DACH1: variants seen among roughly 807,000 people sequenced by gnomAD.
The protein encoded by DACH1 is dachshund family transcription factor 1.
DACH1 carries 12 observed loss-of-function variants against 54.2 expected under a neutral mutation model. The ratio of observed to expected loss-of-function variants is 0.22; its 90% confidence interval spans 0.14 to 0.36. DACH1 has a LOEUF of 0.36. DACH1 is among the 10% of genes least tolerant of loss of function. The pLI is 1.00. For synonymous variants in DACH1, 386 were observed against 366.2 expected (o/e 1.05, Z -0.62); for missense variants, 805 against 929.8 (o/e 0.87, Z 1.75).
chr13:71,864,204 C>G (rs1874553624), intron 1 of DACH1, among the ~76,000 whole-genome samples: 1 of 123,578 alleles, frequency 8.1e-6, no homozygotes, highest in Non-Finnish European at 1.6e-5. Context: ...CACACACACA[C>G]ACACACACAC....
chr13:71,470,772 G>A (rs578223542), intron 10 of DACH1, among the ~76,000 whole-genome samples: 1 of 152,234 alleles, frequency 6.6e-6, no homozygotes, highest in Non-Finnish European at 1.5e-5. Flanking sequence ...CATTCCTTCA[G>A]GGAATAGCAG....
intron 3 of DACH1, among the ~76,000 whole-genome samples, chr13:71,580,474 G>T (rs530262951): frequency 6.6e-6 from 1 of 152,196 alleles, no homozygotes; most frequent in East Asian, 1.9e-4. Flanking sequence ...ATGTTTTTAT[G>T]CTCATGTACA....
chr13:71,643,596 A>C (rs1878058758), intron 2 of DACH1, among the ~76,000 whole-genome samples: 2 of 152,352 alleles, frequency 1.3e-5, no homozygotes, highest in South Asian at 4.1e-4. Flanking sequence ...ACTCTACAGA[A>C]GGTCAAAGGT....
intron 3 of DACH1, among the ~76,000 whole-genome samples, chr13:71,614,853 C>CAA (rs397978208): frequency 0.039 from 1,902 of 48,724 alleles, 34 homozygotes; most frequent in Middle Eastern, 0.1. Context: ...AACTCTATCT[C>CAA]AAAAAAAAAA....
At chr13:71,520,783 G>C (rs1881541600) in intron 6 of DACH1, among the ~76,000 whole-genome samples, 1 of 151,744 alleles carries the variant, frequency 6.6e-6, no homozygotes, top group Admixed American at 6.6e-5. Context: ...CCTTGCATTG[G>C]AGAAAGAAGA....
intron 1 of DACH1, among the ~76,000 whole-genome samples, chr13:71,853,677 G>T (rs1472709664): frequency 6.6e-6 from 1 of 152,114 alleles, no homozygotes; most frequent in Non-Finnish European, 1.5e-5. Context: ...ATGTTAATTA[G>T]TACAAAAGAA....
intron 3 of DACH1, among the ~76,000 whole-genome samples, chr13:71,622,402 C>T (rs951137095): frequency 2.6e-5 from 4 of 151,816 alleles, no homozygotes; most frequent in African/African-American, 9.7e-5. Context: ...TATTAGCAAA[C>T]ATTATATTTT....
At chr13:71,791,858 C>T (rs1436139500) in intron 1 of DACH1, among the ~76,000 whole-genome samples, 1 of 152,184 alleles carries the variant, frequency 6.6e-6, no homozygotes, top group Non-Finnish European at 1.5e-5. Flanking sequence ...ATAGTTTGCT[C>T]ATTTCACATA....
intron 1 of DACH1, among the ~76,000 whole-genome samples, chr13:71,850,938 T>C (rs1205596319): frequency 6.6e-6 from 1 of 152,254 alleles, no homozygotes; most frequent in East Asian, 1.9e-4. Flanking sequence ...AAACAAGTAA[T>C]GTCAAATGAC....
chr13:71,473,872 C>T (rs1877293033), intron 10 of DACH1, among the ~76,000 whole-genome samples: 1 of 152,102 alleles, frequency 6.6e-6, no homozygotes, highest in Non-Finnish European at 1.5e-5. Context: ...GCTATTGTCC[C>T]TGATAAAGAG....
chr13:71,732,366 C>T (rs915955717), intron 1 of DACH1, among the ~76,000 whole-genome samples: 12 of 151,994 alleles, frequency 7.9e-5, no homozygotes, highest in African/African-American at 2.9e-4. Flanking sequence ...GGATGAATCT[C>T]CTGAGCTCAG....
At chr13:71,614,106 A>G (rs1242084385) in intron 3 of DACH1, among the ~76,000 whole-genome samples, 3 of 152,160 alleles carry the variant, frequency 2.0e-5, no homozygotes, top group Non-Finnish European at 2.9e-5. Context: ...TTTATAATCC[A>G]TTTTGCCTGG....
chr13:71,465,000 A>C (rs1876436967), intron 10 of DACH1, among the ~76,000 whole-genome samples: 1 of 152,126 alleles, frequency 6.6e-6, no homozygotes, highest in Non-Finnish European at 1.5e-5. Context: ...AGAAATAATT[A>C]GTTCTCCAAA....
chr13:71,674,863 T>C (rs183454342), intron 2 of DACH1, among the ~76,000 whole-genome samples: 5 of 150,556 alleles, frequency 3.3e-5, no homozygotes, highest in Admixed American at 1.3e-4. Context: ...TAAGTAGTTA[T>C]AGGTTAAATG....
At chr13:71,811,652 A>T (rs763856033) in intron 1 of DACH1, among the ~76,000 whole-genome samples, 1 of 152,156 alleles carries the variant, frequency 6.6e-6, no homozygotes, top group Non-Finnish European at 1.5e-5. Flanking sequence ...CAAGCCAGGG[A>T]TATCCCCCTC....
In DACH1 at chr13:71,818,213, A is replaced by C. The variant is rs930719421; in HGVS notation, c.848+47709T>G. ...TCAAGGAACTAGAATGTTTGGCAATAAGAAACAAGAAAATAAAAGAAATAT... is the reference window on the plus strand; with the variant it reads ...TCAAGGAACTAGAATGTTTGGCAATCAGAAACAAGAAAATAAAAGAAATAT... On this transcript the variant is annotated intron_variant, in intron 1 of 10. Coordinates refer to ENST00000613252, the MANE Select transcript of DACH1 (RefSeq NM_080759.6). 2.0e-5 allele frequency among the ~76,000 whole-genome samples: 3 copies of C among 152,216 alleles called. No individual in the cohort carries two copies. The South Asian group carries it at 6.2e-4, about 32-fold the overall frequency.
intron 4 of DACH1, among the ~76,000 whole-genome samples, chr13:71,568,796 T>C (rs1885037371): frequency 1.3e-5 from 2 of 152,034 alleles, no homozygotes; most frequent in Non-Finnish European, 2.9e-5. Context: ...CTATGAATGC[T>C]AAACAGAAAA....
intron 2 of DACH1, among the ~76,000 whole-genome samples, chr13:71,671,928 C>T (rs773816034): frequency 3.9e-5 from 6 of 152,088 alleles, no homozygotes; most frequent in Non-Finnish European, 8.8e-5. Context: ...CTCAGAAGTG[C>T]ACAATATGAT....
At chr13:71,716,022 C>T (rs539356089) in intron 1 of DACH1, among the ~76,000 whole-genome samples, 3 of 152,172 alleles carry the variant, frequency 2.0e-5, no homozygotes, top group East Asian at 1.9e-4. Flanking sequence ...AACTTCTTAT[C>T]TTCTACCTTA....
Sources: allele counts gnomAD v4.1 joint callset (sites outside exome capture counted in the v4.1 genomes callset), GRCh38; gene constraint gnomAD v4.1.1; transcripts MANE v1.5; gene names NCBI Gene and HGNC (gene_info 2026-07-23, HGNC 2026-07-21).